Variants in TOGARAM2 observed in about 807,000 individuals in gnomAD.
TOGARAM2 encodes the protein TOG array regulator of axonemal microtubules protein 2.
In TOGARAM2, 85 loss-of-function variants were observed where a neutral mutation model predicts 93.3. The observed-to-expected ratio is 0.91, with a 90% confidence interval of 0.76 to 1.09. The LOEUF is 1.09. Among genes scored for constraint, TOGARAM2 ranks in the 50% least tolerant of loss-of-function variants. The pLI is 0.00. For missense variants in TOGARAM2, 1,277 were observed against 1,334.5 expected (o/e 0.96, Z 0.67); for synonymous variants, 593 against 552.8 (o/e 1.07, Z -1.02).
intron 6 of TOGARAM2, among the ~76,000 whole-genome samples, chr2:29,004,501 A>G (rs181877535): frequency 3.3e-4 from 50 of 152,352 alleles, no homozygotes; most frequent in African/African-American, 1.2e-3. Context: ...TGTAAGTAAG[A>G]CAGTGCTCTA....
upstream of TOGARAM2, among the ~76,000 whole-genome samples, chr2:28,976,358 G>A (rs1275812335): frequency 2.0e-5 from 3 of 152,164 alleles, no homozygotes; most frequent in African/African-American, 7.2e-5. Flanking sequence ...GCGACAGAGT[G>A]AGACTCCATC....
chr2:28,998,781 T>C (rs1318052875), intron 3 of TOGARAM2, among the ~76,000 whole-genome samples: 2 of 152,182 alleles, frequency 1.3e-5, no homozygotes, highest in Non-Finnish European at 2.9e-5. Context: ...GGTGATTTGC[T>C]CTGAGATGCC....
At chr2:28,962,412 A>G (rs1038096224) in intron 1 of TOGARAM2, among the ~76,000 whole-genome samples, 1 of 151,942 alleles carries the variant, frequency 6.6e-6, no homozygotes, top group Non-Finnish European at 1.5e-5. Flanking sequence ...CTGACCTCAT[A>G]ATGCACCCAC....
rs562028135 is a variant in TOGARAM2, at chr2:28,995,481, G to T, written c.28+619G>T. ...AGAGAAGCAGGATGGCCAGAGCAGC[G>T]GTTCAGGAGACAGCGCATGATGCAC... On this transcript the variant is annotated intron_variant, in intron 2 of 19. Coordinates refer to ENST00000379558, the MANE Select transcript of TOGARAM2 (RefSeq NM_199280.4). Among the ~76,000 whole-genome samples the T allele has an allele frequency of 2.1e-4, 32 of 152,344 alleles. No individual in the cohort carries two copies. The South Asian group carries it at 6.6e-3, about 32-fold the overall frequency.
At chr2:29,051,594 A>T (rs1667071969) in intron 19 of TOGARAM2, 162 bp from the exon 20 acceptor site, 1 of 545,160 alleles carries the variant, frequency 1.8e-6, no homozygotes, top group East Asian at 3.0e-5. Context: ...ATGTTAAAAG[A>T]AGCTAACACA....
chr2:28,994,606 G>T (rs898390702), intron 1 of TOGARAM2, 119 bp from the exon 2 acceptor site: 2 of 425,928 alleles, frequency 4.7e-6, no homozygotes, highest in Non-Finnish European at 8.6e-6. Flanking sequence ...GGCATCCTTT[G>T]GTTTAGTGGC....
intron 1 of TOGARAM2, among the ~76,000 whole-genome samples, chr2:28,958,355 G>T (rs1262465603): frequency 2.6e-5 from 4 of 151,416 alleles, no homozygotes; most frequent in Admixed American, 2.0e-4. Context: ...TTTCAGGCTG[G>T]AGTGCAGTGG....
At chr2:28,981,022 C>T (rs1300923082), upstream of TOGARAM2, among the ~76,000 whole-genome samples, 2 of 152,192 alleles carry the variant, frequency 1.3e-5, no homozygotes, top group African/African-American at 4.8e-5. Context: ...GCAGATTGAG[C>T]CCAGAGGCCA....
intron 2 of TOGARAM2, among the ~76,000 whole-genome samples, chr2:28,997,776 G>A (rs1397777835): frequency 2.0e-5 from 3 of 152,196 alleles, no homozygotes; most frequent in Non-Finnish European, 4.4e-5. Context: ...AGCAGCTGGT[G>A]GACAGAGGTT....
At chr2:28,995,675 C>A (rs766145578) in intron 2 of TOGARAM2, among the ~76,000 whole-genome samples, 1 of 152,196 alleles carries the variant, frequency 6.6e-6, no homozygotes, top group African/African-American at 2.4e-5. Context: ...GTTGTATGAA[C>A]CTTTAGTGCT....
chr2:28,988,343 C>T (rs1022471316), intron 1 of TOGARAM2, among the ~76,000 whole-genome samples: 6 of 152,210 alleles, frequency 3.9e-5, no homozygotes, highest in Non-Finnish European at 8.8e-5. Context: ...TCACCTCCCT[C>T]TTCACTGCCA....
Position 29,002,746 on chromosome 2 carries a change from A to C in TOGARAM2, c.638A>C (p.Glu213Ala). Reference protein sequence around the residue: ...GPHELRPGAQEAQISWQYLHC... With the variant: ...GPHELRPGAQAAQISWQYLHC... ...CACGAGTTGAGACCCGGTGCTCAGG[A>C]GGTAAGGTGGTTCGACTGCTGTGAG... Residue 213 changes from glutamate (E) to alanine (A), a missense_variant and splice_region_variant, in exon 5 of 20, where the codon GAG becomes GCG. Coordinates refer to ENST00000379558, the MANE Select transcript of TOGARAM2 (RefSeq NM_199280.4). 1 of 1,612,778 alleles carries C rather than the reference A, an allele frequency of 6.2e-7. No individual in the cohort carries two copies. The highest frequency in any genetic ancestry group is 1.3e-5 in the African/African-American group (1 of 75,034).
intron 6 of TOGARAM2, 75 bp downstream of exon 6, chr2:29,003,757 T>C: frequency 7.7e-7 from 1 of 1,293,616 alleles, no homozygotes; most frequent in Non-Finnish European, 1.0e-6. Flanking sequence ...GGGCTCCTTG[T>C]GGCTGACCCT....
intron 18 of TOGARAM2, among the ~76,000 whole-genome samples, chr2:29,039,904 C>T (rs1027152062): frequency 2.6e-5 from 4 of 152,216 alleles, no homozygotes; most frequent in African/African-American, 7.2e-5. Flanking sequence ...CATCCCCTCC[C>T]GATCAGACCT....
At chr2:28,983,194 ATATATTTTTTTTTTTT>A (rs1358554787) in intron 1 of TOGARAM2, among the ~76,000 whole-genome samples, 10 of 48,518 alleles carry the variant, frequency 2.1e-4, no homozygotes, top group Admixed American at 5.5e-4. Context: ...ATATATATAT[ATATATTTTTTTTTTTT>A]TTTTTTTTTT....
At chr2:29,022,946 T>C in intron 11 of TOGARAM2, 140 bp from the exon 12 acceptor site, 2 of 675,512 alleles carry the variant, frequency 3.0e-6, no homozygotes, top group Non-Finnish European at 5.1e-6. Context: ...CGGGAAACCC[T>C]GCTCTGAGGC....
intron 1 of TOGARAM2, among the ~76,000 whole-genome samples, chr2:28,958,480 A>T (rs902408685): frequency 4.0e-5 from 6 of 151,802 alleles, no homozygotes; most frequent in African/African-American, 1.2e-4. Flanking sequence ...TAGTTTTTAA[A>T]TTTTTTGTAG....
chr2:28,999,863 T>C (rs1373728095), intron 4 of TOGARAM2, among the ~76,000 whole-genome samples: 1 of 152,218 alleles, frequency 6.6e-6, no homozygotes, highest in African/African-American at 2.4e-5. Flanking sequence ...ACCCCAACTG[T>C]GTCACTCTCT....
At chr2:28,986,068 A>T (rs936714860) in intron 1 of TOGARAM2, among the ~76,000 whole-genome samples, 1 of 149,268 alleles carries the variant, frequency 6.7e-6, no homozygotes. Flanking sequence ...AGCTGAGATC[A>T]TGACACTGAC....
Sources: allele counts gnomAD v4.1 joint callset (sites outside exome capture counted in the v4.1 genomes callset), GRCh38; gene constraint gnomAD v4.1.1; transcripts MANE v1.5; gene names NCBI Gene and HGNC (gene_info 2026-07-23, HGNC 2026-07-21).